CNBD1: variants seen among roughly 807,000 people sequenced by gnomAD.
CNBD1 encodes the protein cyclic nucleotide binding domain containing 1.
Under a neutral mutation model 54.4 loss-of-function variants are expected in CNBD1, and 71 were observed. That is an observed-to-expected ratio of 1.30 (90% confidence interval 1.08 to 1.59). CNBD1 has a LOEUF of 1.59. Ranked by LOEUF, CNBD1 falls within the 40% of genes most tolerant of loss-of-function variation. The pLI, the probability that CNBD1 is intolerant of heterozygous loss-of-function variation, is 0.00. For synonymous variants in CNBD1, 182 were observed against 170.7 expected (o/e 1.07, Z -0.51); for missense variants, 659 against 518.0 (o/e 1.27, Z -2.64).
At chr8:87,242,507 T>C (rs1338791406) in intron 6 of CNBD1, among the ~76,000 whole-genome samples, 1 of 152,204 alleles carries the variant, frequency 6.6e-6, no homozygotes, top group African/African-American at 2.4e-5. Context: ...ATTCAGGGTC[T>C]TTAGATAATA....
At chr8:87,092,482 CATATGTGTGTGTGTATAT>C (rs1811231895) in intron 4 of CNBD1, among the ~76,000 whole-genome samples, 1 of 112,114 alleles carries the variant, frequency 8.9e-6, no homozygotes, top group South Asian at 2.9e-4. Flanking sequence ...TATATATACA[CATATGTGTGTGTGTATAT>C]ATATGTGTGT....
At chr8:87,047,052 T>G (rs1474404976) in intron 4 of CNBD1, among the ~76,000 whole-genome samples, 1 of 152,184 alleles carries the variant, frequency 6.6e-6, no homozygotes, top group African/African-American at 2.4e-5. Flanking sequence ...TTTTCAACAT[T>G]TTATCTCACG....
intron 8 of CNBD1, among the ~76,000 whole-genome samples, chr8:87,345,513 TGTCA>T (rs1484480276): frequency 1.3e-5 from 2 of 152,170 alleles, no homozygotes; most frequent in Non-Finnish European, 2.9e-5. Flanking sequence ...TTGGGTCAAT[TGTCA>T]GTCTTTTCCT....
chr8:87,015,686 A>G (rs938663023), intron 4 of CNBD1, among the ~76,000 whole-genome samples: 1 of 152,136 alleles, frequency 6.6e-6, no homozygotes, highest in Non-Finnish European at 1.5e-5. Flanking sequence ...ACAGGCAAAT[A>G]TAGCATATTT....
intron 4 of CNBD1, among the ~76,000 whole-genome samples, chr8:87,134,631 C>A (rs1226235896): frequency 9.7e-6 from 1 of 103,254 alleles, no homozygotes; most frequent in African/African-American, 3.9e-5. Context: ...GAGATGGAGT[C>A]TCGCTGTGTC....
chr8:87,340,846 A>T (rs922080903), intron 8 of CNBD1, among the ~76,000 whole-genome samples: 1 of 151,224 alleles, frequency 6.6e-6, no homozygotes, highest in Non-Finnish European at 1.5e-5. Context: ...GATTATTTTG[A>T]ATTTTTTGTT....
chr8:87,236,942 G>T lies in CNBD1; in HGVS notation c.601G>T (p.Val201Leu). 6.9e-6 allele frequency: 11 copies of T among 1,603,094 alleles called. No individual in the cohort carries two copies. Among genetic ancestry groups the T allele is most frequent in the Non-Finnish European group, 9.4e-6 (11 of 1,174,800 alleles). Residue 201 changes from valine (V) to leucine (L), a missense_variant, in exon 6 of 11, where the codon GTA becomes TTA. Transcript: ENST00000518476. ...STVVANDGFY[V>L]ILKGLARPQT... ...AGTGGTTGCAAATGATGGATTTTAT[G>T]TAATACTGAAAGGCCTAGCTCGACC...
chr8:87,325,845 T>G (rs1253258541), intron 8 of CNBD1, among the ~76,000 whole-genome samples: 12 of 147,154 alleles, frequency 8.2e-5, no homozygotes, highest in East Asian at 3.9e-4. Context: ...ATCCTGTCAT[T>G]ATGATGTTAG....
intron 8 of CNBD1, among the ~76,000 whole-genome samples, chr8:87,343,750 A>G (rs1423233341): frequency 6.6e-6 from 1 of 152,176 alleles, no homozygotes; most frequent in Non-Finnish European, 1.5e-5. Flanking sequence ...TTGGCAGTAT[A>G]ATATATTCTA....
At chr8:86,926,820 G>A (rs1809368889) in intron 3 of CNBD1, among the ~76,000 whole-genome samples, 1 of 152,162 alleles carries the variant, frequency 6.6e-6, no homozygotes, top group Non-Finnish European at 1.5e-5. Flanking sequence ...TCCTTTGAGA[G>A]TGTGTGGTAG....
chr8:87,236,779 C>G (rs1807590948), intron 5 of CNBD1, 140 bp from the exon 6 acceptor site: 2 of 474,106 alleles, frequency 4.2e-6, no homozygotes, highest in Non-Finnish European at 7.4e-6. Context: ...TTGAAAATGC[C>G]TATTACATTA....
chr8:87,387,716 G>A (rs542971592), downstream of CNBD1, among the ~76,000 whole-genome samples: 1 of 152,068 alleles, frequency 6.6e-6, no homozygotes, highest in Admixed American at 6.6e-5. Context: ...AAGTTAACAA[G>A]GATATCCAGG....
chr8:86,956,120 C>T (rs6993663), intron 4 of CNBD1, among the ~76,000 whole-genome samples: 143,589 of 151,904 alleles, frequency 0.95, 67,970 homozygotes, highest in East Asian at 1. Flanking sequence ...TTCTCAGGTT[C>T]GTCAAAGATC....
chr8:87,392,428 G>C (rs1337764199), intron 2 of CNBD1, among the ~76,000 whole-genome samples: 2 of 151,926 alleles, frequency 1.3e-5, no homozygotes, highest in African/African-American at 4.8e-5. Context: ...AACCGATGAA[G>C]GGATAAATTA....
intron 5 of CNBD1, among the ~76,000 whole-genome samples, chr8:87,222,435 T>C (rs1814360512): frequency 6.6e-6 from 1 of 152,090 alleles, no homozygotes; most frequent in Non-Finnish European, 1.5e-5. Flanking sequence ...AAGAGTGCCA[T>C]GGCAAAAATT....
At chr8:87,302,211 C>T (rs917204746) in intron 8 of CNBD1, among the ~76,000 whole-genome samples, 1 of 152,122 alleles carries the variant, frequency 6.6e-6, no homozygotes, top group South Asian at 2.1e-4. Flanking sequence ...ACCAATATCC[C>T]TGATGAACAT....
chr8:86,920,184 A>C (rs897090236), intron 3 of CNBD1, among the ~76,000 whole-genome samples: 1 of 152,214 alleles, frequency 6.6e-6, no homozygotes, highest in African/African-American at 2.4e-5. Flanking sequence ...TAAATTTAGC[A>C]ACCAATCGCA....
In CNBD1 at chr8:87,261,212, G is replaced by T. The variant is rs1161229496; in HGVS notation, c.772-23466G>T. 4.6e-5 allele frequency among the ~76,000 whole-genome samples: 7 copies of T among 152,062 alleles called. No homozygotes were observed. In the East Asian group the frequency reaches 1.4e-3, roughly 29 times the overall value. ...AGAAATGTGCTCAAAGAAACTCAGA[G>T]AGCTCAAAACACAAATCTGTGGAGC... On this transcript the variant is annotated intron_variant, in intron 6 of 10. Coordinates refer to ENST00000518476, the MANE Select transcript of CNBD1 (RefSeq NM_173538.3).
At chr8:87,219,888 C>T (rs1586338033) in intron 5 of CNBD1, among the ~76,000 whole-genome samples, 1 of 151,732 alleles carries the variant, frequency 6.6e-6, no homozygotes, top group Non-Finnish European at 1.5e-5. Flanking sequence ...TCATTAGTAT[C>T]TTAATAGATG....
Sources: gnomAD v4.1 joint callset for allele counts (sites outside exome capture counted in the v4.1 genomes callset) on GRCh38, gnomAD v4.1.1 for gene constraint, MANE v1.5 for transcripts, NCBI Gene and HGNC (gene_info 2026-07-23, HGNC 2026-07-21) for gene names.